The following NSL1 variants were observed in gnomAD, a reference collection of about 807,000 sequenced individuals.
NSL1 encodes kinetochore-associated protein NSL1 homolog.
In NSL1, 11 loss-of-function variants were observed where a neutral mutation model predicts 25.4. That is an observed-to-expected ratio of 0.43 (90% CI 0.27 to 0.72). NSL1 has a LOEUF of 0.72. Among genes scored for constraint, NSL1 ranks in the 30% least tolerant of loss-of-function variants. NSL1 has a pLI of 0.19. For synonymous variants in NSL1, 118 were observed against 120.6 expected (o/e 0.98, Z 0.14); for missense variants, 330 against 342.7 (o/e 0.96, Z 0.29).
At chr1:212,754,990 C>T (rs1659239339) in intron 4 of NSL1, among the ~76,000 whole-genome samples, 1 of 152,038 alleles carries the variant, frequency 6.6e-6, no homozygotes. Flanking sequence ...TGGAAGGCAA[C>T]CAAACCTACT....
chr1:212,790,553 T>TA lies in NSL1; in HGVS notation c.234+976_234+977insT, dbSNP rs200733237. Among the ~76,000 whole-genome samples the TA allele has an allele frequency of 1.4e-3, 206 of 152,190 alleles. 1 individual carries two copies. In the South Asian group the frequency reaches 0.027, roughly 20 times the overall value. On this transcript the variant is annotated intron_variant, in intron 1 of 5. Transcript: ENST00000366977. ...TATAACAGGCACCAATCTACTTATA[T>TA]TAGCGGAAAAAATTTAAAAGCTCAT...
chr1:212,733,874 G>T lies in NSL1; in HGVS notation c.*4534C>A, dbSNP rs1658125361. On this transcript the variant is annotated 3_prime_UTR_variant, in exon 6 of 6. Transcript: ENST00000366977. ...ACTGCATTATCTCTTTGATAATTTTGACTCTGCTGCTTTTTCTGCATGCTA... is the reference window on the plus strand; with the variant it reads ...ACTGCATTATCTCTTTGATAATTTTTACTCTGCTGCTTTTTCTGCATGCTA... Among the ~76,000 whole-genome samples the T allele has an allele frequency of 6.6e-6, 1 of 152,146 alleles. No homozygotes were observed. Among genetic ancestry groups the T allele is most frequent in the African/African-American group, 2.4e-5 (1 of 41,436 alleles).
At chr1:212,769,064 A>C (rs960572770) in intron 4 of NSL1, among the ~76,000 whole-genome samples, 1 of 149,542 alleles carries the variant, frequency 6.7e-6, no homozygotes, top group Non-Finnish European at 1.5e-5. Flanking sequence ...CAATGACAAT[A>C]AAATGGAGGA....
chr1:212,786,141 G>C (rs1394255453), intron 2 of NSL1, among the ~76,000 whole-genome samples: 8 of 149,358 alleles, frequency 5.4e-5, no homozygotes, highest in Non-Finnish European at 1.0e-4. Flanking sequence ...GATAGAGAGA[G>C]AGACACACAC....
At chr1:212,755,396 A>G (rs1180848506) in intron 4 of NSL1, among the ~76,000 whole-genome samples, 1 of 151,948 alleles carries the variant, frequency 6.6e-6, no homozygotes, top group Admixed American at 6.5e-5. Flanking sequence ...AGAAAAGAGG[A>G]ATCTAGCAAA....
chr1:212,790,929 A>T (rs1661200269), intron 1 of NSL1, among the ~76,000 whole-genome samples: 1 of 148,248 alleles, frequency 6.7e-6, no homozygotes, highest in Admixed American at 6.6e-5. Context: ...TCTCAAAAAA[A>T]AAAAATAAAA....
At chr1:212,790,979 C>G (rs1464512880) in intron 1 of NSL1, among the ~76,000 whole-genome samples, 1 of 151,928 alleles carries the variant, frequency 6.6e-6, no homozygotes, top group Non-Finnish European at 1.5e-5. Context: ...AAGGAAAGAT[C>G]AAATGCTGCT....
At chr1:212,786,416 TAAAAA>T (rs928101496) in intron 2 of NSL1, among the ~76,000 whole-genome samples, 2 of 141,904 alleles carry the variant, frequency 1.4e-5, no homozygotes, top group Non-Finnish European at 3.1e-5. Context: ...CACAATTAGT[TAAAAA>T]AAAAAAAAAG....
chr1:212,753,898 T>G (rs1211617332), intron 4 of NSL1, among the ~76,000 whole-genome samples: 2 of 152,156 alleles, frequency 1.3e-5, no homozygotes, highest in East Asian at 3.8e-4. Flanking sequence ...TTAGGTAAGA[T>G]CTCTCTGAGG....
chr1:212,787,770 A>T, intron 1 of NSL1, 133 bp from the exon 2 acceptor site: 1 of 495,574 alleles, frequency 2.0e-6, no homozygotes, highest in Non-Finnish European at 3.6e-6. Flanking sequence ...TAGTATATCT[A>T]TTCTTTTCAA....
chr1:212,774,079 A>G (rs1660244510), intron 4 of NSL1, among the ~76,000 whole-genome samples: 1 of 152,114 alleles, frequency 6.6e-6, no homozygotes, highest in African/African-American at 2.4e-5. Context: ...TATGGAGAGG[A>G]TGCAGAGAAG....
chr1:212,742,288 G>T (rs1323921365), intron 4 of NSL1, among the ~76,000 whole-genome samples: 2 of 152,070 alleles, frequency 1.3e-5, no homozygotes, highest in Non-Finnish European at 2.9e-5. Flanking sequence ...TACATTTGAA[G>T]CCATTCTATA....
chr1:212,748,592 G>C (rs1658916951), intron 4 of NSL1, among the ~76,000 whole-genome samples: 1 of 151,988 alleles, frequency 6.6e-6, no homozygotes, highest in South Asian at 2.1e-4. Context: ...ATTTAAAGAA[G>C]GTAACACAAG....
intron 4 of NSL1, among the ~76,000 whole-genome samples, chr1:212,755,091 G>A (rs1659242781): frequency 1.3e-5 from 2 of 152,114 alleles, no homozygotes; most frequent in African/African-American, 4.8e-5. Flanking sequence ...TAAAATACAT[G>A]AAGAAATTAA....
At chr1:212,759,613 C>T (rs373782179) in intron 4 of NSL1, among the ~76,000 whole-genome samples, 2 of 152,048 alleles carry the variant, frequency 1.3e-5, no homozygotes, top group East Asian at 1.9e-4. Flanking sequence ...CCCAAGACAC[C>T]GCAGCATAGC....
intron 4 of NSL1, among the ~76,000 whole-genome samples, chr1:212,752,759 TA>T (rs1275924985): frequency 6.6e-6 from 1 of 152,020 alleles, no homozygotes; most frequent in Non-Finnish European, 1.5e-5. Context: ...ACTTGCTTTC[TA>T]AAACACAGGG....
chr1:212,766,423 C>T (rs1659823051), intron 4 of NSL1: 3 of 404,604 alleles, frequency 7.4e-6, no homozygotes, highest in Non-Finnish European at 8.8e-6. Flanking sequence ...TGATCGTATA[C>T]CTTAGAAAAC....
chr1:212,757,886 G>A (rs1659389515), intron 4 of NSL1, among the ~76,000 whole-genome samples: 1 of 152,208 alleles, frequency 6.6e-6, no homozygotes, highest in Non-Finnish European at 1.5e-5. Flanking sequence ...ATAAGAGCAG[G>A]AGAGACAGAT....
chr1:212,790,060 C>T (rs1463737064), intron 1 of NSL1, among the ~76,000 whole-genome samples: 1 of 152,096 alleles, frequency 6.6e-6, no homozygotes, highest in Non-Finnish European at 1.5e-5. Flanking sequence ...GTCACCCAGG[C>T]TGGAGTGCAG....
Sources: gnomAD v4.1 joint callset for allele counts (sites outside exome capture counted in the v4.1 genomes callset) on GRCh38, gnomAD v4.1.1 for gene constraint, MANE v1.5 for transcripts, NCBI Gene and HGNC (gene_info 2026-07-23, HGNC 2026-07-21) for gene names.